Variants in GUCY1A2 observed in about 807,000 individuals in gnomAD.
GUCY1A2 encodes the protein guanylate cyclase 1 soluble subunit alpha 2, also known as guanylate cyclase soluble subunit alpha-2.
GUCY1A2 carries 27 observed loss-of-function variants against 63.5 expected under a neutral mutation model. The ratio of observed to expected loss-of-function variants is 0.43; its 90% confidence interval spans 0.31 to 0.59. The LOEUF is 0.59. Ranked by LOEUF, GUCY1A2 falls within the 20% of genes least tolerant of loss-of-function variation. GUCY1A2 has a pLI of 0.11. For synonymous variants in GUCY1A2, 364 were observed against 343.5 expected (o/e 1.06, Z -0.66); for missense variants, 768 against 913.3 (o/e 0.84, Z 2.05).
chr11:106,816,999 G>A (rs893827974), intron 4 of GUCY1A2, among the ~76,000 whole-genome samples: 1 of 151,814 alleles, frequency 6.6e-6, no homozygotes, highest in African/African-American at 2.4e-5. Flanking sequence ...TAGTTTTGCT[G>A]GAAAATTCTA....
chr11:106,931,110 A>T (rs73553861), intron 4 of GUCY1A2, among the ~76,000 whole-genome samples: 3,109 of 152,330 alleles, frequency 0.02, 94 homozygotes, highest in African/African-American at 0.07. Flanking sequence ...CTGCATAGGA[A>T]GTACCTTTTA....
At chr11:106,888,564 C>A (rs377616950) in intron 4 of GUCY1A2, among the ~76,000 whole-genome samples, 20 of 152,214 alleles carry the variant, frequency 1.3e-4, no homozygotes, top group African/African-American at 4.8e-4. Context: ...GAAAGTGACA[C>A]GATTGTTTTT....
chr11:106,850,381 GAA>G (rs1408668634), intron 4 of GUCY1A2, among the ~76,000 whole-genome samples: 1 of 151,572 alleles, frequency 6.6e-6, no homozygotes, highest in Non-Finnish European at 1.5e-5. Flanking sequence ...CTAGCTTTTT[GAA>G]AAGACACAAT....
At chr11:106,791,036 C>T (rs1864650015) in intron 5 of GUCY1A2, among the ~76,000 whole-genome samples, 1 of 152,182 alleles carries the variant, frequency 6.6e-6, no homozygotes, top group African/African-American at 2.4e-5. Context: ...TGGCTCCAGG[C>T]CCAGCTCAGC....
rs1466540984 is a variant in GUCY1A2 at position 106,699,733 on chromosome 11, C to T, written c.1991+8779G>A. 3.3e-5 allele frequency among the ~76,000 whole-genome samples: 5 copies of T among 151,986 alleles called. No individual in the cohort carries two copies. The East Asian group carries it at 9.6e-4, about 29-fold the overall frequency. Reference sequence around the variant, plus strand: ...TTATGCCTAATCATATAAGCCAAACCTATGCCAAATAATAAACTAAATCAT... The same window carrying T: ...TTATGCCTAATCATATAAGCCAAACTTATGCCAAATAATAAACTAAATCAT... On this transcript the variant is annotated intron_variant, in intron 7 of 7. Transcript: ENST00000526355.
intron 4 of GUCY1A2, among the ~76,000 whole-genome samples, chr11:106,822,074 T>C (rs1858910824): frequency 6.6e-6 from 1 of 152,178 alleles, no homozygotes; most frequent in Admixed American, 6.5e-5. Context: ...CTGAGAATCC[T>C]GGCTGTTGCA....
intron 5 of GUCY1A2, among the ~76,000 whole-genome samples, chr11:106,786,695 T>C (rs1864560858): frequency 1.3e-5 from 2 of 152,242 alleles, no homozygotes; most frequent in Non-Finnish European, 2.9e-5. Context: ...AATTTCTTTC[T>C]GACAGTCCTG....
intron 1 of GUCY1A2, among the ~76,000 whole-genome samples, chr11:106,998,898 G>C (rs12785615): frequency 0.11 from 16,600 of 152,122 alleles, 1,082 homozygotes; most frequent in Non-Finnish European, 0.15. Flanking sequence ...ATGTATCCAT[G>C]TTATCACTAC....
At chr11:106,786,217 A>C (rs1191478533) in intron 5 of GUCY1A2, among the ~76,000 whole-genome samples, 1 of 152,218 alleles carries the variant, frequency 6.6e-6, no homozygotes, top group Non-Finnish European at 1.5e-5. Context: ...TGACAAGGCT[A>C]CAAACAAAAA....
chr11:106,714,036 AC>A (rs1863174093), intron 6 of GUCY1A2, among the ~76,000 whole-genome samples: 1 of 151,664 alleles, frequency 6.6e-6, no homozygotes, highest in African/African-American at 2.4e-5. Context: ...AAAAAAAAAA[AC>A]AAACTCCATA....
At position 107,018,034 on chromosome 11, in the gene GUCY1A2, A is replaced by G; in HGVS notation, c.22T>C (p.Ser8Pro). The change falls in exon 1 of 8, where the codon TCC becomes CCC. Residue 8 changes from serine (S) to proline (P), a missense_variant. Physicochemically the swap from Ser to Pro is moderately conservative, Grantham distance 74 (BLOSUM62 -1). Transcript: ENST00000526355. Reference sequence around the variant, plus strand: ...GAGCCCAGGGAGCTGAAGGACTCGGACGAAATCTTCCTTCGAGACATGCTG... The same window carrying G: ...GAGCCCAGGGAGCTGAAGGACTCGGGCGAAATCTTCCTTCGAGACATGCTG... MSRRKIS[S>P]ESFSSLGSDY... 6.8e-7 allele frequency: 1 copy of G among 1,471,756 alleles called. No individual in the cohort carries two copies. Among genetic ancestry groups the G allele is most frequent in the Non-Finnish European group, 9.1e-7 (1 of 1,100,416 alleles). The allele number at this position is 1,471,756 out of a possible 1,614,324, so 91.2% of individuals were successfully genotyped here.
intron 1 of GUCY1A2, among the ~76,000 whole-genome samples, chr11:107,000,358 A>G (rs1183556249): frequency 6.6e-6 from 1 of 151,986 alleles, no homozygotes; most frequent in East Asian, 1.9e-4. Flanking sequence ...TGAAGCTTCA[A>G]ATGGAATTAC....
At chr11:106,932,379 G>A (rs1860615194) in intron 4 of GUCY1A2, among the ~76,000 whole-genome samples, 1 of 151,732 alleles carries the variant, frequency 6.6e-6, no homozygotes, top group South Asian at 2.1e-4. Context: ...TAAGCCTCCT[G>A]TGTGGTTCAT....
chr11:106,856,703 TG>T (rs1025019026), intron 4 of GUCY1A2, among the ~76,000 whole-genome samples: 2 of 152,204 alleles, frequency 1.3e-5, no homozygotes, highest in African/African-American at 4.8e-5. Context: ...TCTATGTCCC[TG>T]GGGTAAGTAT....
chr11:106,922,772 AATG>A (rs1213850711), intron 4 of GUCY1A2, among the ~76,000 whole-genome samples: 1 of 149,348 alleles, frequency 6.7e-6, no homozygotes, highest in East Asian at 2.0e-4. Flanking sequence ...ATGAGTAGTT[AATG>A]ATAAGAGATT....
At position 107,017,874 on chromosome 11, in the gene GUCY1A2, G is replaced by T. The variant is rs752661539; in HGVS notation, c.182C>A (p.Pro61Gln). ...AAAAAAAAPA[P>Q]TPAASAAAAA... Reference sequence around the variant, plus strand: ...GGCGGCGGCAGAAGCAGCCGGGGTCGGGGCCGGGGCGGCGGCAGCGGCAGC... The same window carrying T: ...GGCGGCGGCAGAAGCAGCCGGGGTCTGGGCCGGGGCGGCGGCAGCGGCAGC... The change falls in exon 1 of 8, where the codon CCG (proline) becomes CAG (glutamine). Residue 61 changes from proline to glutamine, a missense_variant. Transcript: ENST00000526355. 4.0e-6 allele frequency: 5 copies of T among 1,248,576 alleles called. No individual in the cohort carries two copies. Among genetic ancestry groups the T allele is most frequent in the Non-Finnish European group, 5.0e-6 (5 of 994,422 alleles). The allele number at this position is 1,248,576 out of a possible 1,614,324, so 77.3% of individuals were successfully genotyped here. A position where few individuals can be genotyped will look rare whatever the true frequency, so the allele number is the denominator to read the frequency against.
At chr11:107,005,066 T>C (rs151212655) in intron 1 of GUCY1A2, among the ~76,000 whole-genome samples, 122 of 152,298 alleles carry the variant, frequency 8.0e-4, no homozygotes, top group Non-Finnish European at 1.2e-3. Context: ...CACTGCCCGA[T>C]AATGGTAAGC....
intron 1 of GUCY1A2, among the ~76,000 whole-genome samples, chr11:107,009,116 G>A (rs1243893850): frequency 1.3e-5 from 2 of 152,132 alleles, no homozygotes; most frequent in African/African-American, 4.8e-5. Context: ...TTTACTTGGA[G>A]AACTAAATGA....
intron 3 of GUCY1A2, among the ~76,000 whole-genome samples, chr11:106,945,514 C>T (rs925177652): frequency 1.1e-4 from 17 of 152,176 alleles, no homozygotes; most frequent in Admixed American, 7.2e-4. Context: ...AACCCTACAA[C>T]ACACACATAG....
Sources: gnomAD v4.1 joint callset for allele counts (sites outside exome capture counted in the v4.1 genomes callset) on GRCh38, gnomAD v4.1.1 for gene constraint, MANE v1.5 for transcripts, NCBI Gene and HGNC (gene_info 2026-07-23, HGNC 2026-07-21) for gene names.